The following KCTD15 variants were observed in gnomAD, a reference collection of about 807,000 sequenced individuals.
KCTD15 encodes potassium channel tetramerization domain containing 15, also known as BTB/POZ domain-containing protein KCTD15.
KCTD15 carries 11 observed loss-of-function variants against 27.2 expected under a neutral mutation model. That is an observed-to-expected ratio of 0.41 (90% CI 0.25 to 0.67). The LOEUF (loss-of-function observed/expected upper bound fraction) is 0.67. KCTD15 is among the 30% of genes least tolerant of loss of function. The probability of loss-of-function intolerance (pLI) is 0.35; values close to 1 mark genes in which losing one functional copy is unlikely to be tolerated. For synonymous variants in KCTD15, 163 were observed against 176.0 expected (o/e 0.93, Z 0.58); for missense variants, 350 against 409.3 (o/e 0.86, Z 1.25).
At chr19:33,811,192 C>CACA in intron 5 of KCTD15, 55 bp from the exon 6 acceptor site, 2 of 406,320 alleles carry the variant, frequency 4.9e-6, no homozygotes, top group Non-Finnish European at 8.7e-6. Flanking sequence ...TCTCCCCCTT[C>CACA]CCCCACCACC....
In KCTD15 at chr19:33,811,275, G is replaced by A; in HGVS notation, c.416G>A (p.Arg139His). ...TTCAGTCTGCTGTACGAGGAGGCGC[G>A]CTACTATCAGCTCCAGCCCATGGTG... ...KDFSLLYEEARYYQLQPMVRE... is the reference protein window; with the variant it reads ...KDFSLLYEEAHYYQLQPMVRE... The change falls in exon 6 of 7, where the codon CGC becomes CAC. Residue 139 changes from arginine to histidine, a missense_variant. Arg to His is a conservative substitution (Grantham distance 29, BLOSUM62 0). Coordinates refer to ENST00000683859, the MANE Select transcript of KCTD15 (RefSeq NM_001129994.2). 3 of 1,533,358 alleles carry A rather than the reference G, an allele frequency of 2.0e-6. No individual in the cohort carries two copies. Among genetic ancestry groups the A allele is most frequent in the African/African-American group, 1.4e-5 (1 of 72,752 alleles). The allele number at this position is 1,533,358 out of a possible 1,614,324, so 95.0% of individuals were successfully genotyped here. A position where few individuals can be genotyped will look rare whatever the true frequency, so the allele number is the denominator to read the frequency against.
intron 6 of KCTD15, 115 bp downstream of exon 6, chr19:33,811,667 C>A: frequency 6.6e-7 from 1 of 1,509,488 alleles, no homozygotes; most frequent in Non-Finnish European, 9.0e-7. Context: ...CCCCCCGTGC[C>A]ATCCTACAAA....
At chr19:33,803,930 T>C (rs1341066012) in intron 4 of KCTD15, among the ~76,000 whole-genome samples, 2 of 152,042 alleles carry the variant, frequency 1.3e-5, no homozygotes, top group Admixed American at 1.3e-4. Context: ...TGGAGGCATC[T>C]TTTCTGCCCC....
chr19:33,804,769 G>A (rs1975663059), intron 4 of KCTD15, among the ~76,000 whole-genome samples: 1 of 152,176 alleles, frequency 6.6e-6, no homozygotes, highest in Non-Finnish European at 1.5e-5. Flanking sequence ...GCTGTGACCT[G>A]CAGTGCCATT....
chr19:33,810,575 G>A (rs1451359545), intron 5 of KCTD15, among the ~76,000 whole-genome samples: 1 of 151,860 alleles, frequency 6.6e-6, no homozygotes, highest in Admixed American at 6.6e-5. Context: ...AGCTACTCGG[G>A]AGGCTGAGGC....
chr19:33,810,893 A>C (rs747198559), intron 5 of KCTD15, among the ~76,000 whole-genome samples: 1 of 151,508 alleles, frequency 6.6e-6, no homozygotes, highest in Non-Finnish European at 1.5e-5. Context: ...TGGGATTCTA[A>C]GGCAGCAGCA....
Position 33,815,145 on chromosome 19 carries a change from A to G in KCTD15, c.*2197A>G, listed in dbSNP as rs1315673042. ...TACCGAGTGGTAGAGATTCTCGAACATTCTCAAACTCTCTTTTTGGGTAAA... is the reference window on the plus strand; with the variant it reads ...TACCGAGTGGTAGAGATTCTCGAACGTTCTCAAACTCTCTTTTTGGGTAAA... On this transcript the variant is annotated 3_prime_UTR_variant, in exon 7 of 7. Transcript: ENST00000683859. 1 of 152,228 alleles carries G rather than the reference A, an allele frequency of 6.6e-6. No individual in the cohort carries two copies. Among genetic ancestry groups the G allele is most frequent in the Non-Finnish European group, 1.5e-5 (1 of 68,046 alleles). 9.4% of individuals were successfully genotyped at this position (152,228 alleles called of 1,614,324 possible). A position where few individuals can be genotyped will look rare whatever the true frequency, so the allele number is the denominator to read the frequency against.
chr19:33,811,583 G>T, intron 6 of KCTD15, 31 bp downstream of exon 6: 2 of 1,575,628 alleles, frequency 1.3e-6, no homozygotes, highest in South Asian at 2.4e-5. Context: ...CCTCCCCGCC[G>T]CACCCCCGGC....
chr19:33,807,273 A>G (rs1441591280), intron 5 of KCTD15, among the ~76,000 whole-genome samples: 1 of 152,250 alleles, frequency 6.6e-6, no homozygotes, highest in African/African-American at 2.4e-5. Flanking sequence ...TGCCAGCGTT[A>G]TAGTAGTTAG....
chr19:33,810,345 A>G (rs143229874), intron 5 of KCTD15, among the ~76,000 whole-genome samples: 159 of 152,326 alleles, frequency 1.0e-3, no homozygotes, highest in South Asian at 2.7e-3. Context: ...CACATCTTGC[A>G]TCCTTTGATC....
chr19:33,805,883 C>T (rs913259139), intron 4 of KCTD15, among the ~76,000 whole-genome samples: 5 of 152,212 alleles, frequency 3.3e-5, no homozygotes, highest in African/African-American at 4.8e-5. Flanking sequence ...AGGCCTGGCT[C>T]CTTCTCCCCG....
upstream of KCTD15, among the ~76,000 whole-genome samples, chr19:33,795,384 C>CCT (rs1975288790): frequency 6.6e-6 from 1 of 152,138 alleles, no homozygotes; most frequent in South Asian, 2.1e-4. Flanking sequence ...ACTTCACCTT[C>CCT]CTCCCACTGG....
rs1282912975 is a variant in KCTD15 at position 33,815,033 on chromosome 19, T to A, written c.*2085T>A. On this transcript the variant is annotated 3_prime_UTR_variant, in exon 7 of 7. Transcript: ENST00000683859. ...GCTCCCATCTGAGTGGAGGAGAAAG[T>A]GTTGTGTTTATTAGCAGGAAGTCTT... 6.6e-6 allele frequency: 1 copy of A among 152,150 alleles called. No homozygotes were observed. Among genetic ancestry groups the A allele is most frequent in the African/African-American group, 2.4e-5 (1 of 41,430 alleles). 9.4% of individuals were successfully genotyped at this position (152,150 alleles called of 1,614,324 possible).
At chr19:33,808,725 G>A (rs1975789942) in intron 5 of KCTD15, among the ~76,000 whole-genome samples, 1 of 151,928 alleles carries the variant, frequency 6.6e-6, no homozygotes, top group Admixed American at 6.6e-5. Flanking sequence ...GAGGGGTGGG[G>A]GTGGGTGCAG....
intron 1 of KCTD15, chr19:33,797,304 T>C: frequency 2.9e-6 from 1 of 350,054 alleles, no homozygotes; most frequent in Non-Finnish European, 5.6e-6. Flanking sequence ...GCGCGCGCGC[T>C]TGTGGAGGTC....
chr19:33,813,619 T>A lies in KCTD15; in HGVS notation c.*671T>A. On this transcript the variant is annotated 3_prime_UTR_variant, in exon 7 of 7. Coordinates refer to ENST00000683859, the MANE Select transcript of KCTD15 (RefSeq NM_001129994.2). ...GTGATTCTGTAACCACCTGAGACCTTCACGTTTGCTGCCGTTGGGGGCTCA... is the reference window on the plus strand; with the variant it reads ...GTGATTCTGTAACCACCTGAGACCTACACGTTTGCTGCCGTTGGGGGCTCA... 1.3e-5 allele frequency: 4 copies of A among 309,518 alleles called. No individual in the cohort carries two copies. The highest frequency in any genetic ancestry group is 2.5e-5 in the South Asian group (1 of 39,962). 19.2% of individuals were successfully genotyped at this position (309,518 alleles called of 1,614,324 possible).
intron 1 of KCTD15, chr19:33,797,513 T>C (rs1025652459): frequency 2.6e-6 from 1 of 387,436 alleles, no homozygotes; most frequent in African/African-American, 2.1e-5. Flanking sequence ...CAGGAGGGGC[T>C]GTCGCGCTGG....
At chr19:33,805,740 A>G (rs560515584) in intron 4 of KCTD15, among the ~76,000 whole-genome samples, 8 of 152,250 alleles carry the variant, frequency 5.3e-5, no homozygotes, top group African/African-American at 1.9e-4. Flanking sequence ...TTCCCAAACC[A>G]AGCCCTTGGC....
At chr19:33,807,079 T>C in intron 5 of KCTD15, 72 bp downstream of exon 5, 1 of 1,493,018 alleles carries the variant, frequency 6.7e-7, no homozygotes, top group Non-Finnish European at 9.1e-7. Context: ...TGTGACTTAA[T>C]AAGTGGACCC....
Sources: gnomAD v4.1 joint callset for allele counts (sites outside exome capture counted in the v4.1 genomes callset) on GRCh38, gnomAD v4.1.1 for gene constraint, MANE v1.5 for transcripts, NCBI Gene and HGNC (gene_info 2026-07-23, HGNC 2026-07-21) for gene names.